Variants in PIK3R6 observed in about 807,000 individuals in gnomAD.
The protein encoded by PIK3R6 is phosphoinositide-3-kinase regulatory subunit 6, also known as phosphoinositide 3-kinase regulatory subunit 6.
In PIK3R6, 91 loss-of-function variants were observed where a neutral mutation model predicts 84.9. The observed-to-expected ratio is 1.07, with a 90% confidence interval of 0.90 to 1.28. PIK3R6 has a LOEUF of 1.28. Ranked by LOEUF, PIK3R6 falls within the 50% of genes most tolerant of loss-of-function variation. The pLI, the probability that PIK3R6 is intolerant of heterozygous loss-of-function variation, is 0.00. For synonymous variants in PIK3R6, 416 were observed against 411.4 expected (o/e 1.01, Z -0.13); for missense variants, 996 against 985.1 (o/e 1.01, Z -0.15).
intron 13 of PIK3R6, among the ~76,000 whole-genome samples, chr17:8,824,545 G>T (rs1014726591): frequency 2.0e-5 from 3 of 152,200 alleles, no homozygotes; most frequent in Non-Finnish European, 4.4e-5. Flanking sequence ...TATGAACGTA[G>T]TCTAATAATG....
Position 8,838,641 on chromosome 17 carries a change from A to G in PIK3R6, c.112T>C (p.Ser38Pro). Reference sequence around the variant, plus strand: ...TCTCGCTCGACCTTCTTGTGCAGGGACCACCTCCACATGCCTGGGCCAGGA... The same window carrying G: ...TCTCGCTCGACCTTCTTGTGCAGGGGCCACCTCCACATGCCTGGGCCAGGA... ...LQSNQGMWRWSLHKKVERDPG... is the reference protein window; with the variant it reads ...LQSNQGMWRWPLHKKVERDPG... The change falls in exon 4 of 20, where the codon TCC (serine) becomes CCC (proline). Residue 38 changes from serine to proline, a missense_variant. Physicochemically the swap from Ser to Pro is moderately conservative, Grantham distance 74 (BLOSUM62 -1). Coordinates refer to ENST00000619866, the MANE Select transcript of PIK3R6 (RefSeq NM_001010855.4). The G allele has an allele frequency of 6.2e-7, 1 of 1,602,368 alleles. No homozygotes were observed. The highest frequency in any genetic ancestry group is 1.7e-5 in the Admixed American group (1 of 58,402).
chr17:8,854,184 T>C (rs769765956), intron 1 of PIK3R6, among the ~76,000 whole-genome samples: 2 of 152,014 alleles, frequency 1.3e-5, no homozygotes, highest in Non-Finnish European at 1.5e-5. Context: ...GGAGTCTTGC[T>C]CTGTCGCCAG....
In PIK3R6 at chr17:8,803,486, G is replaced by A; in HGVS notation, c.2109-57C>T. 2.0e-6 allele frequency: 3 copies of A among 1,518,774 alleles called. No individual in the cohort carries two copies. Among genetic ancestry groups the A allele is most frequent in the Non-Finnish European group, 2.7e-6 (3 of 1,126,336 alleles). 94.1% of individuals were successfully genotyped at this position (1,518,774 alleles called of 1,614,324 possible). ...CCATCTGAGGGATCAGATTGCCTAG[G>A]GCATTTGAAAGGCAGAGCTGTTATT... On this transcript the variant is annotated intron_variant, in intron 19 of 19. Transcript: ENST00000619866. This position sits in a 1 kb window ranked among gnomAD's most constrained non-coding sequence, Gnocchi z 5.0.
At chr17:8,818,089 T>C (rs961858449) in intron 18 of PIK3R6, among the ~76,000 whole-genome samples, 5 of 152,084 alleles carry the variant, frequency 3.3e-5, no homozygotes, top group South Asian at 4.1e-4. Context: ...AGGATCCGCG[T>C]GAGCGGGAGG....
chr17:8,835,332 C>T lies in PIK3R6; in HGVS notation c.586G>A (p.Ala196Thr), dbSNP rs756721103. The T allele has an allele frequency of 5.0e-6, 8 of 1,608,900 alleles. No individual in the cohort carries two copies. The highest frequency in any genetic ancestry group is 4.4e-5 in the South Asian group (4 of 90,534). The change falls in exon 8 of 20, where the codon GCC (alanine) becomes ACC (threonine). Residue 196 changes from alanine (A) to threonine (T), a missense_variant. Ala to Thr is a moderately conservative substitution (Grantham distance 58, BLOSUM62 0). Coordinates refer to ENST00000619866, the MANE Select transcript of PIK3R6 (RefSeq NM_001010855.4). ...ETCMRHVVSH[A>T]LQAALGEACH... ...GCCTCCCCCAGAGCCGCCTGCAGGG[C>T]GTGGGAGACCACGTGGCGCATGCAG...
chr17:8,802,991 A>C lies in PIK3R6; in HGVS notation c.*282T>G. ...GGAGAGGACAGTGGGAGAAGTGGGAATTGAAGCTAAATGAAGGAGTAGACA... is the reference window on the plus strand; with the variant it reads ...GGAGAGGACAGTGGGAGAAGTGGGACTTGAAGCTAAATGAAGGAGTAGACA... On this transcript the variant is annotated 3_prime_UTR_variant, in exon 20 of 20. Transcript: ENST00000619866. The C allele has an allele frequency of 1.0e-5, 4 of 382,050 alleles. No homozygotes were observed. Among genetic ancestry groups the C allele is most frequent in the Non-Finnish European group, 9.6e-6 (2 of 208,602 alleles). 23.7% of individuals were successfully genotyped at this position (382,050 alleles called of 1,614,324 possible). A position where few individuals can be genotyped will look rare whatever the true frequency, so the allele number is the denominator to read the frequency against.
At chr17:8,828,330 G>C in intron 11 of PIK3R6, 140 bp from the exon 12 acceptor site, 1 of 972,136 alleles carries the variant, frequency 1.0e-6, no homozygotes, top group South Asian at 1.6e-5. Flanking sequence ...TACAAAATGG[G>C]TACAGTAATG....
rs2088057493 is a variant in PIK3R6, at chr17:8,828,941, A to G, written c.939T>C (p.Ser313=). Reference sequence around the variant, plus strand: ...GCAGATCCAAGACCTCCAAGTCAGCACTGAGGCGCAGCTGGGATCTTGGGC... The same window carrying G: ...GCAGATCCAAGACCTCCAAGTCAGCGCTGAGGCGCAGCTGGGATCTTGGGC... ...FLRPRSQLRL[S]ADLEVLDLQG... is the part of the protein sequence containing the mutation. Residue 313 remains serine (S), a synonymous_variant, in exon 11 of 20, where the codon AGT becomes AGC. Coordinates refer to ENST00000619866, the MANE Select transcript of PIK3R6 (RefSeq NM_001010855.4). 6.6e-7 allele frequency: 1 copy of G among 1,511,374 alleles called. No individual in the cohort carries two copies. The highest frequency in any genetic ancestry group is 8.8e-7 in the Non-Finnish European group (1 of 1,130,098). 93.6% of individuals were successfully genotyped at this position (1,511,374 alleles called of 1,614,324 possible).
At position 8,844,221 on chromosome 17, in the gene PIK3R6, C is replaced by A. The variant is rs539976989; in HGVS notation, c.14-4524G>T. On this transcript the variant is annotated intron_variant, in intron 2 of 19. Transcript: ENST00000619866. The surrounding 1 kb of genome is among the most constrained non-coding windows in gnomAD (Gnocchi z 4.5). ...AGGCAGGCTCTATCTCCCTCTGCACCTTGCAAGTCTGGCCAAGCAGTTCTG... is the reference window on the plus strand; with the variant it reads ...AGGCAGGCTCTATCTCCCTCTGCACATTGCAAGTCTGGCCAAGCAGTTCTG... 1.1e-4 allele frequency among the ~76,000 whole-genome samples: 17 copies of A among 152,336 alleles called. No homozygotes were observed. The highest frequency in any genetic ancestry group is 3.8e-4 in the African/African-American group (16 of 41,584).
intron 2 of PIK3R6, among the ~76,000 whole-genome samples, chr17:8,849,472 C>G (rs570197894): frequency 5.9e-5 from 9 of 152,354 alleles, no homozygotes; most frequent in African/African-American, 1.9e-4. Context: ...TATCCCTCCT[C>G]AATCCATTGT....
chr17:8,817,174 C>T (rs775231897), intron 18 of PIK3R6, among the ~76,000 whole-genome samples: 3 of 151,972 alleles, frequency 2.0e-5, no homozygotes, highest in Non-Finnish European at 4.4e-5. Context: ...AAGGTATAGA[C>T]CAGTATGTAG....
intron 13 of PIK3R6, among the ~76,000 whole-genome samples, chr17:8,824,438 C>A (rs553660165): frequency 1.6e-4 from 24 of 152,174 alleles, no homozygotes; most frequent in Non-Finnish European, 2.6e-4. Flanking sequence ...CAGAGTTGAT[C>A]TCATCCAACT....
At chr17:8,808,795 G>A (rs1311844404) in intron 18 of PIK3R6, among the ~76,000 whole-genome samples, 5 of 152,178 alleles carry the variant, frequency 3.3e-5, no homozygotes, top group Admixed American at 3.3e-4. Flanking sequence ...AGCTACTTAA[G>A]GATCTAGGAA....
intron 4 of PIK3R6, among the ~76,000 whole-genome samples, chr17:8,838,102 G>A (rs994880091): frequency 1.3e-5 from 2 of 152,182 alleles, no homozygotes; most frequent in East Asian, 3.9e-4. Flanking sequence ...AACTCTGCAG[G>A]TGAGGGGCCA....
intron 1 of PIK3R6, among the ~76,000 whole-genome samples, chr17:8,864,579 C>T (rs1168286062): frequency 7.3e-6 from 1 of 137,654 alleles, no homozygotes; most frequent in Non-Finnish European, 1.5e-5. Flanking sequence ...CACTCTGTCG[C>T]CAGACTGGAG....
At chr17:8,849,679 G>T in intron 2 of PIK3R6, 103 bp downstream of exon 2, 1 of 1,323,168 alleles carries the variant, frequency 7.6e-7, no homozygotes, top group Admixed American at 2.9e-5. Flanking sequence ...GCCTGTCTAT[G>T]TGCAGGGGGT....
rs749459167 is a variant in PIK3R6 at position 8,828,818 on chromosome 17, A to G, written c.1062T>C (p.Pro354=). 7 of 1,590,528 alleles carry G rather than the reference A, an allele frequency of 4.4e-6. No individual in the cohort carries two copies. Among genetic ancestry groups the G allele is most frequent in the Non-Finnish European group, 6.0e-6 (7 of 1,167,030 alleles). The change falls in exon 11 of 20, where the codon CCT becomes CCC. Residue 354 remains proline, a synonymous_variant. Coordinates refer to ENST00000619866, the MANE Select transcript of PIK3R6 (RefSeq NM_001010855.4). The part of the protein sequence containing the change: ...RDLPTGADEL[P]APGSPEMERA... ...GCTCCATCTCAGGGCTGCCGGGTGC[A>G]GGCAGCTCATCAGCCCCCGTGGGAA...
intron 1 of PIK3R6, among the ~76,000 whole-genome samples, chr17:8,863,177 T>A (rs189762335): frequency 6.6e-6 from 1 of 152,138 alleles, no homozygotes; most frequent in African/African-American, 2.4e-5. Context: ...TAGATATAGA[T>A]ACATGGATAT....
Position 8,839,379 on chromosome 17 carries a change from A to G in PIK3R6, c.97+235T>C, listed in dbSNP as rs1477921283. On this transcript the variant is annotated intron_variant, in intron 3 of 19. Transcript: ENST00000619866. This position sits in a 1 kb window ranked among gnomAD's most constrained non-coding sequence, Gnocchi z 4.2. Reference sequence around the variant, plus strand: ...AAAAGAAAAAAAAAAGGAAAGAAAAAGGGTGGCAGATCCCCAATGTGCTCT... The same window carrying G: ...AAAAGAAAAAAAAAAGGAAAGAAAAGGGGTGGCAGATCCCCAATGTGCTCT... Among the ~76,000 whole-genome samples, 1 of 151,830 alleles carries G rather than the reference A, an allele frequency of 6.6e-6. No individual in the cohort carries two copies. Among genetic ancestry groups the G allele is most frequent in the African/African-American group, 2.4e-5 (1 of 41,316 alleles).
Sources: gnomAD v4.1 joint callset for allele counts (sites outside exome capture counted in the v4.1 genomes callset) on GRCh38, gnomAD v4.1.1 for gene constraint, Gnocchi (gnomAD v3.1) non-coding constraint, MANE v1.5 for transcripts, NCBI Gene and HGNC (gene_info 2026-07-23, HGNC 2026-07-21) for gene names.